The following CLIP4 variants were observed in gnomAD, a reference collection of about 807,000 sequenced individuals.
The protein encoded by CLIP4 is CAP-Gly domain containing linker protein family member 4.
A neutral mutation model predicts 73.1 loss-of-function variants in CLIP4; 47 were observed. The ratio of observed to expected loss-of-function variants is 0.64; its 90% CI spans 0.51 to 0.82. The LOEUF is 0.82. Among genes scored for constraint, CLIP4 ranks in the 40% least tolerant of loss-of-function variants. The pLI, the probability that CLIP4 is intolerant of heterozygous loss-of-function variation, is 0.00. For synonymous variants in CLIP4, 306 were observed against 295.4 expected (o/e 1.04, Z -0.37); for missense variants, 874 against 852.9 (o/e 1.02, Z -0.31).
chr2:29,156,280 C>A, intron 9 of CLIP4, 74 bp from the exon 10 acceptor site: 1 of 909,814 alleles, frequency 1.1e-6, no homozygotes, highest in Admixed American at 3.1e-5. Context: ...ATGAGGGATG[C>A]ATGTACTTTA....
intron 1 of CLIP4, among the ~76,000 whole-genome samples, chr2:29,107,666 G>GC (rs1305813286): frequency 6.6e-6 from 1 of 151,258 alleles, no homozygotes; most frequent in Non-Finnish European, 1.5e-5. Context: ...GAGCCACCAC[G>GC]CCTGGCTGAG....
Position 29,183,328 on chromosome 2 carries a change from C to G in CLIP4, c.*1435C>G, listed in dbSNP as rs1223389891. 6.6e-6 allele frequency: 1 copy of G among 152,624 alleles called. No individual in the cohort carries two copies. The highest frequency in any genetic ancestry group is 2.4e-5 in the African/African-American group (1 of 41,444). 9.5% of individuals were successfully genotyped at this position (152,624 alleles called of 1,614,324 possible). A position where few individuals can be genotyped will look rare whatever the true frequency, so the allele number is the denominator to read the frequency against. Reference sequence around the variant, plus strand: ...ACTATTTTAAATCTAAATTCTGTCACTTCGCTGCCTTTTTAAAATAGTGTG... The same window carrying G: ...ACTATTTTAAATCTAAATTCTGTCAGTTCGCTGCCTTTTTAAAATAGTGTG... On this transcript the variant is annotated 3_prime_UTR_variant, in exon 16 of 16. Coordinates refer to ENST00000320081, the MANE Select transcript of CLIP4 (RefSeq NM_024692.6).
chr2:29,121,003 G>A (rs1358745038), intron 1 of CLIP4, among the ~76,000 whole-genome samples: 1 of 152,164 alleles, frequency 6.6e-6, no homozygotes, highest in African/African-American at 2.4e-5. Flanking sequence ...GATGTAACTT[G>A]TGCCAGTGTT....
chr2:29,167,370 T>C, intron 13 of CLIP4, 106 bp from the exon 14 acceptor site: 2 of 621,180 alleles, frequency 3.2e-6, no homozygotes, highest in Non-Finnish European at 5.4e-6. Context: ...TCCATAAATA[T>C]TTGTCTGATG....
chr2:29,128,009 A>G (rs901387207), intron 2 of CLIP4, among the ~76,000 whole-genome samples: 1 of 152,166 alleles, frequency 6.6e-6, no homozygotes, highest in African/African-American at 2.4e-5. Context: ...CACTTACATT[A>G]ATAATATAGT....
At chr2:29,181,391 G>A (rs1668634569) in intron 15 of CLIP4, among the ~76,000 whole-genome samples, 181 bp from the exon 16 acceptor site, 2 of 152,128 alleles carry the variant, frequency 1.3e-5, no homozygotes, top group Admixed American at 6.5e-5. Flanking sequence ...TGTAGTTCAT[G>A]GGTCAACTGT....
At chr2:29,177,042 T>C (rs1262426420) in intron 15 of CLIP4, among the ~76,000 whole-genome samples, 1 of 152,178 alleles carries the variant, frequency 6.6e-6, no homozygotes, top group African/African-American at 2.4e-5. Flanking sequence ...TTCCCTGACT[T>C]TTTTTTCATG....
At position 29,181,697 on chromosome 2, in the gene CLIP4, G is replaced by C; in HGVS notation, c.1922G>C (p.Arg641Thr). ...LTSSNEMGTV[R>T]YVGPTDFASG... is the part of the protein sequence containing the mutation. Reference sequence around the variant, plus strand: ...AGCTCCAATGAGATGGGTACTGTTAGGTATGTGGGCCCCACTGACTTTGCT... The same window carrying C: ...AGCTCCAATGAGATGGGTACTGTTACGTATGTGGGCCCCACTGACTTTGCT... Residue 641 changes from arginine to threonine, a missense_variant, in exon 16 of 16, where the codon AGG (arginine) becomes ACG (threonine). Transcript: ENST00000320081. 2.5e-6 allele frequency: 4 copies of C among 1,614,184 alleles called. No homozygotes were observed. The highest frequency in any genetic ancestry group is 3.4e-6 in the Non-Finnish European group (4 of 1,180,020).
In CLIP4 at chr2:29,163,712, C is replaced by A. The variant is rs1667429761; in HGVS notation, c.1535-119C>A. ...TTGAAATCTTAATGAGTATCATGAT[C>A]TTCCCTCATTTTGGTCATTTATGGA... On this transcript the variant is annotated intron_variant, in intron 12 of 15. Transcript: ENST00000320081. 3.3e-6 allele frequency: 3 copies of A among 896,876 alleles called. No individual in the cohort carries two copies. In the African/African-American group the frequency reaches 5.1e-5, roughly 15 times the overall value. 55.6% of individuals were successfully genotyped at this position (896,876 alleles called of 1,614,324 possible).
chr2:29,131,444 T>C (rs767586402), intron 3 of CLIP4, 47 bp downstream of exon 3: 7 of 1,537,462 alleles, frequency 4.6e-6, no homozygotes, highest in Middle Eastern at 1.9e-4. Context: ...GGATTGTTAA[T>C]GGTATAGATT....
intron 2 of CLIP4, among the ~76,000 whole-genome samples, chr2:29,122,361 G>A (rs1664314592): frequency 6.6e-6 from 1 of 151,712 alleles, no homozygotes; most frequent in Admixed American, 6.6e-5. Context: ...GTAATCAACT[G>A]GGCTTATTTT....
chr2:29,157,315 A>G lies in CLIP4; in HGVS notation c.1367A>G (p.Lys456Arg), dbSNP rs532314461. The G allele has an allele frequency of 6.2e-7, 1 of 1,614,118 alleles. No homozygotes were observed. Among genetic ancestry groups the G allele is most frequent in the East Asian group, 2.2e-5 (1 of 44,876 alleles). The change falls in exon 11 of 16, where the codon AAA becomes AGA. Residue 456 changes from lysine (K) to arginine (R), a missense_variant. Physicochemically the swap from Lys to Arg is conservative, Grantham distance 26 (BLOSUM62 2). Transcript: ENST00000320081. Reference protein sequence around the residue: ...AISSNKKTMSKSPSLSSRASA... With the variant: ...AISSNKKTMSRSPSLSSRASA... ...AGCAGTAACAAGAAGACAATGAGCA[A>G]AAGCCCTTCCCTTTCATCCAGAGCC... is the stretch of plus-strand genomic sequence containing the variant.
chr2:29,130,253 CAAAAG>C (rs1207575066), intron 2 of CLIP4, among the ~76,000 whole-genome samples: 4 of 152,028 alleles, frequency 2.6e-5, no homozygotes, highest in African/African-American at 9.7e-5. Flanking sequence ...CAAAAACTGT[CAAAAG>C]AAAATTCAGG....
chr2:29,180,369 T>TG (rs1164426538), intron 15 of CLIP4, among the ~76,000 whole-genome samples: 2 of 152,146 alleles, frequency 1.3e-5, no homozygotes, highest in Admixed American at 1.3e-4. Context: ...ATGAGTGCAC[T>TG]GGGGAGTCCC....
chr2:29,145,463 T>A, intron 8 of CLIP4, 96 bp downstream of exon 8: 1 of 1,039,246 alleles, frequency 9.6e-7, no homozygotes, highest in South Asian at 1.9e-5. Context: ...TCCTGATTTC[T>A]TATGTGATAA....
intron 2 of CLIP4, among the ~76,000 whole-genome samples, chr2:29,128,206 A>G (rs1481101590): frequency 6.9e-6 from 1 of 145,890 alleles, no homozygotes; most frequent in Non-Finnish European, 1.5e-5. Context: ...TTTTTTTTTT[A>G]AAGAAATAGA....
At chr2:29,164,158 T>C (rs1404044995) in intron 13 of CLIP4, among the ~76,000 whole-genome samples, 1 of 152,208 alleles carries the variant, frequency 6.6e-6, no homozygotes, top group Non-Finnish European at 1.5e-5. Context: ...AAAAACCTCC[T>C]TTATTCCTCA....
intron 12 of CLIP4, among the ~76,000 whole-genome samples, chr2:29,162,746 A>C (rs1667370330): frequency 6.6e-6 from 1 of 152,188 alleles, no homozygotes; most frequent in Non-Finnish European, 1.5e-5. Flanking sequence ...GCGTTAGTGC[A>C]GCTTAACAAT....
chr2:29,145,430 AC>A, intron 8 of CLIP4, 63 bp downstream of exon 8: 1 of 1,371,056 alleles, frequency 7.3e-7, no homozygotes, highest in Non-Finnish European at 1.0e-6. Context: ...TTACTCTTTT[AC>A]AGTTGTTAAA....
Sources: allele counts gnomAD v4.1 joint callset (sites outside exome capture counted in the v4.1 genomes callset), GRCh38; gene constraint gnomAD v4.1.1; transcripts MANE v1.5; gene names NCBI Gene and HGNC (gene_info 2026-07-23, HGNC 2026-07-21).